CA10: variants seen among roughly 807,000 people sequenced by gnomAD.
CA10 encodes carbonic anhydrase 10 (inactive), also known as carbonic anhydrase-related protein 10.
CA10 carries 14 observed loss-of-function variants against 44.2 expected under a neutral mutation model. The observed-to-expected ratio is 0.32, with a 90% CI of 0.21 to 0.50. The LOEUF (loss-of-function observed/expected upper bound fraction) is 0.50, where lower values mean the gene tolerates loss of function less well. Ranked by LOEUF, CA10 falls within the 20% of genes least tolerant of loss-of-function variation. The pLI is 0.99. For missense variants in CA10, 350 were observed against 409.7 expected, an observed-to-expected ratio of 0.85 and a Z score of 1.26; for synonymous variants, 159 against 141.6, an observed-to-expected ratio of 1.12 and a Z score of -0.87.
intron 3 of CA10, among the ~76,000 whole-genome samples, chr17:51,785,415 G>T (rs1567838735): frequency 6.6e-6 from 1 of 152,158 alleles, no homozygotes; most frequent in South Asian, 2.1e-4. Flanking sequence ...AATATAAAGA[G>T]TTGCTCAACA....
chr17:51,798,709 G>T (rs778016025), intron 3 of CA10, among the ~76,000 whole-genome samples: 2 of 152,188 alleles, frequency 1.3e-5, no homozygotes, highest in Admixed American at 1.3e-4. Context: ...AACCCAAAAG[G>T]CCTCAAGGAA....
intron 1 of CA10, among the ~76,000 whole-genome samples, chr17:52,150,086 C>T (rs1240728129): frequency 6.6e-6 from 1 of 152,048 alleles, no homozygotes; most frequent in African/African-American, 2.4e-5. Flanking sequence ...ACTTTTTGAC[C>T]GTCTCCTGAA....
intron 3 of CA10, among the ~76,000 whole-genome samples, chr17:51,923,672 G>T (rs899876209): frequency 4.6e-5 from 7 of 152,244 alleles, no homozygotes; most frequent in African/African-American, 1.7e-4. Context: ...TTAAAATAGA[G>T]AAGTGATAAG....
chr17:51,966,441 T>C (rs899814816), intron 2 of CA10, among the ~76,000 whole-genome samples: 13 of 151,888 alleles, frequency 8.6e-5, no homozygotes, highest in African/African-American at 3.1e-4. Flanking sequence ...GGTATCACAT[T>C]ACCTGACTTC....
chr17:51,705,889 G>T (rs1028728770), intron 4 of CA10, among the ~76,000 whole-genome samples: 1 of 152,178 alleles, frequency 6.6e-6, no homozygotes, highest in East Asian at 1.9e-4. Flanking sequence ...ACTGTGCAAG[G>T]TAGGGGTAGT....
chr17:52,117,974 G>C (rs1375441868), intron 1 of CA10, among the ~76,000 whole-genome samples: 1 of 152,162 alleles, frequency 6.6e-6, no homozygotes. Flanking sequence ...TAATTCAAAA[G>C]GGTATTATAT....
At chr17:51,826,259 A>ACAACG in intron 3 of CA10, among the ~76,000 whole-genome samples, 1 of 152,216 alleles carries the variant, frequency 6.6e-6, no homozygotes, top group Admixed American at 6.5e-5. Flanking sequence ...TTTCATGGAG[A>ACAACG]TGACCCTTCT....
chr17:51,948,355 G>A (rs372019874), intron 2 of CA10, among the ~76,000 whole-genome samples: 1 of 152,274 alleles, frequency 6.6e-6, no homozygotes, highest in Admixed American at 6.5e-5. Context: ...TTATTCCAGC[G>A]ATGGGTCATT....
chr17:51,757,066 C>T (rs59802180), intron 3 of CA10, among the ~76,000 whole-genome samples: 3 of 152,076 alleles, frequency 2.0e-5, no homozygotes, highest in Non-Finnish European at 2.9e-5. Context: ...TCTTTGCAAC[C>T]GAAGTTTCCT....
chr17:52,026,349 C>T (rs535583611), intron 2 of CA10, among the ~76,000 whole-genome samples: 17 of 152,272 alleles, frequency 1.1e-4, no homozygotes, highest in Admixed American at 1.1e-3. Context: ...TCACTTTCCT[C>T]TCTCATACAA....
At chr17:51,996,349 A>C (rs1161074337) in intron 2 of CA10, among the ~76,000 whole-genome samples, 1 of 156 alleles carries the variant, frequency 6.4e-3, no homozygotes, top group African/African-American at 0.011. Flanking sequence ...TCTCTTCTGT[A>C]ATGAACTAGG....
At chr17:51,849,264 T>TAA (rs1555605623) in intron 3 of CA10, among the ~76,000 whole-genome samples, 41 of 135,222 alleles carry the variant, frequency 3.0e-4, no homozygotes, top group Middle Eastern at 3.9e-3. Context: ...TATATATATA[T>TAA]AAAACTAAGT....
At chr17:51,978,541 T>C (rs1984540789) in intron 2 of CA10, among the ~76,000 whole-genome samples, 1 of 152,002 alleles carries the variant, frequency 6.6e-6, no homozygotes, top group Admixed American at 6.6e-5. Context: ...CTTCATATCA[T>C]ATCATTTTCA....
At chr17:52,048,934 T>C (rs1043605650) in intron 2 of CA10, among the ~76,000 whole-genome samples, 1 of 151,468 alleles carries the variant, frequency 6.6e-6, no homozygotes, top group Non-Finnish European at 1.5e-5. Context: ...TTAGTCTTGT[T>C]GCAATGACTA....
intron 2 of CA10, among the ~76,000 whole-genome samples, chr17:51,968,160 T>C (rs1984150504): frequency 6.6e-6 from 1 of 151,874 alleles, no homozygotes; most frequent in Non-Finnish European, 1.5e-5. Context: ...TAATTTGTTA[T>C]AAAGTTAAAC....
chr17:51,936,301 CTA>C (rs1328440758), intron 2 of CA10, among the ~76,000 whole-genome samples: 2 of 152,086 alleles, frequency 1.3e-5, no homozygotes, highest in Admixed American at 1.3e-4. Flanking sequence ...AAACAAGTTT[CTA>C]TATGTCTATC....
At chr17:52,071,033 T>C (rs574603293) in intron 2 of CA10, among the ~76,000 whole-genome samples, 2 of 152,334 alleles carry the variant, frequency 1.3e-5, no homozygotes, top group South Asian at 4.1e-4. Context: ...AGGAAAAAAG[T>C]ATGTAAACAT....
chr17:51,978,826 G>A (rs1236142784), intron 2 of CA10, among the ~76,000 whole-genome samples: 3 of 151,914 alleles, frequency 2.0e-5, no homozygotes, highest in Non-Finnish European at 4.4e-5. Context: ...CCATCTCTGG[G>A]TACTCATCCC....
intron 2 of CA10, among the ~76,000 whole-genome samples, chr17:51,964,354 T>C (rs1453047406): frequency 3.3e-5 from 5 of 152,018 alleles, no homozygotes; most frequent in Non-Finnish European, 5.9e-5. Flanking sequence ...AGATGGATCA[T>C]CAACGCAGAA....
Sources: gnomAD v4.1 joint callset for allele counts (sites outside exome capture counted in the v4.1 genomes callset) on GRCh38, gnomAD v4.1.1 for gene constraint, MANE v1.5 for transcripts, NCBI Gene and HGNC (gene_info 2026-07-23, HGNC 2026-07-21) for gene names.